The following COMMD1 variants were observed in gnomAD, a reference collection of about 807,000 sequenced individuals.
COMMD1 encodes the protein copper metabolism domain containing 1, also known as COMM domain-containing protein 1.
Under a neutral mutation model 17.2 loss-of-function variants are expected in COMMD1, and 10 were observed. The ratio of observed to expected loss-of-function variants is 0.58; its 90% CI spans 0.36 to 0.99. COMMD1 has a LOEUF of 0.99. COMMD1 is among the 50% of genes least tolerant of loss of function. The pLI, the probability that COMMD1 is intolerant of heterozygous loss-of-function variation, is 0.01. For missense variants in COMMD1, 270 were observed against 231.8 expected (o/e 1.17, Z -1.07); for synonymous variants, 97 against 91.6 (o/e 1.06, Z -0.34).
intron 1 of COMMD1, among the ~76,000 whole-genome samples, chr2:61,937,291 C>A (rs1218670691): frequency 6.6e-6 from 1 of 152,126 alleles, no homozygotes; most frequent in East Asian, 1.9e-4. Flanking sequence ...TTTAGAGTGC[C>A]CCGGCCAATG....
intron 2 of COMMD1, among the ~76,000 whole-genome samples, chr2:62,006,322 T>G (rs764924101): frequency 2.0e-5 from 3 of 151,398 alleles, no homozygotes; most frequent in Non-Finnish European, 4.4e-5. Context: ...ATTGTGCACA[T>G]GTACCCTAAA....
At chr2:62,050,449 A>G (rs1026303298) in intron 2 of COMMD1, among the ~76,000 whole-genome samples, 10 of 152,212 alleles carry the variant, frequency 6.6e-5, no homozygotes, top group African/African-American at 2.4e-4. Flanking sequence ...CCAATTAAAA[A>G]TGTTCTTAAA....
In COMMD1 at chr2:61,941,861, A is replaced by G. The variant is rs141197764; in HGVS notation, c.180+36003A>G. On this transcript the variant is annotated intron_variant, in intron 1 of 2. Transcript: ENST00000311832. ...ATCTGATGATACCAATCTATGAAACAGAACAGTTCCTTTACATTATATCCT... is the reference window on the plus strand; with the variant it reads ...ATCTGATGATACCAATCTATGAAACGGAACAGTTCCTTTACATTATATCCT... Among the ~76,000 whole-genome samples, 110 of 152,354 alleles carry G rather than the reference A, an allele frequency of 7.2e-4. 2 individuals carry two copies. Among genetic ancestry groups the G allele is most frequent in the African/African-American group, 2.5e-3 (102 of 41,590 alleles).
chr2:62,055,959 G>T (rs1478382410), intron 2 of COMMD1, among the ~76,000 whole-genome samples: 2 of 152,226 alleles, frequency 1.3e-5, no homozygotes, highest in Non-Finnish European at 2.9e-5. Flanking sequence ...TCAGGAGGAT[G>T]TGCATGAGGA....
chr2:61,980,645 A>G (rs961493167), intron 1 of COMMD1, among the ~76,000 whole-genome samples: 6 of 144,180 alleles, frequency 4.2e-5, no homozygotes, highest in Non-Finnish European at 9.0e-5. Context: ...GATTCTGGAT[A>G]TTAGCCCTTT....
chr2:61,964,493 C>T (rs918902533), intron 1 of COMMD1, among the ~76,000 whole-genome samples: 1 of 152,004 alleles, frequency 6.6e-6, no homozygotes. Context: ...GGATTATAGG[C>T]GTGAGGCACT....
chr2:62,134,274 A>G (rs1224242325), intron 2 of COMMD1, among the ~76,000 whole-genome samples: 5 of 152,240 alleles, frequency 3.3e-5, no homozygotes, highest in Admixed American at 6.5e-5. Flanking sequence ...AGGAAAATAC[A>G]GAGAAAAGAA....
rs1010288127 is a variant in COMMD1 at position 61,920,877 on chromosome 2, TTATA to T, written c.180+15030_180+15033del. Among the ~76,000 whole-genome samples the T allele has an allele frequency of 2.4e-3, 359 of 149,740 alleles. 1 individual carries two copies. The highest frequency in any genetic ancestry group is 8.3e-3 in the African/African-American group (340 of 40,942). ...GAGAAAATCCTGGAGGTATATATGT[TTATA>T]TATATATATAAATGTGTGTGTGTGT... On this transcript the variant is annotated intron_variant, in intron 1 of 2. Transcript: ENST00000311832.
intron 2 of COMMD1, among the ~76,000 whole-genome samples, chr2:62,057,014 A>T (rs1417864110): frequency 6.6e-6 from 1 of 152,122 alleles, no homozygotes; most frequent in South Asian, 2.1e-4. Context: ...CCAAAACAAG[A>T]TTGTTACAGA....
At chr2:61,938,303 G>A (rs1421534833) in intron 1 of COMMD1, among the ~76,000 whole-genome samples, 1 of 151,754 alleles carries the variant, frequency 6.6e-6, no homozygotes, top group Admixed American at 6.6e-5. Flanking sequence ...AAATGGTGAG[G>A]TATGATCTTC....
intron 1 of COMMD1, among the ~76,000 whole-genome samples, chr2:61,938,787 G>A (rs1670664634): frequency 6.6e-6 from 1 of 152,098 alleles, no homozygotes; most frequent in South Asian, 2.1e-4. Flanking sequence ...CTGGTTTTAA[G>A]AATACCATAA....
At chr2:62,093,430 ATAAAC>A (rs1258991059) in intron 2 of COMMD1, among the ~76,000 whole-genome samples, 2 of 152,220 alleles carry the variant, frequency 1.3e-5, no homozygotes, top group African/African-American at 2.4e-5. Context: ...CATTTTGTGA[ATAAAC>A]TGAAGGAAAG....
intron 2 of COMMD1, among the ~76,000 whole-genome samples, chr2:62,111,484 C>T (rs966642898): frequency 2.6e-5 from 4 of 152,104 alleles, no homozygotes; most frequent in Non-Finnish European, 5.9e-5. Flanking sequence ...CAAGGCCTTT[C>T]GGTTCAGATT....
upstream of COMMD1, among the ~76,000 whole-genome samples, chr2:61,904,956 CTTCTT>C (rs1476686008): frequency 2.6e-5 from 4 of 152,222 alleles, no homozygotes; most frequent in African/African-American, 9.6e-5. Flanking sequence ...TTATATCTGG[CTTCTT>C]TTACTAATCC....
At chr2:62,057,002 A>G (rs576346152) in intron 2 of COMMD1, among the ~76,000 whole-genome samples, 2 of 152,174 alleles carry the variant, frequency 1.3e-5, no homozygotes, top group Non-Finnish European at 2.9e-5. Context: ...CAGTGACAGC[A>G]ACCAAAACAA....
chr2:61,948,293 T>A (rs1670962286), intron 1 of COMMD1, among the ~76,000 whole-genome samples: 2 of 152,142 alleles, frequency 1.3e-5, no homozygotes, highest in African/African-American at 4.8e-5. Context: ...AATATTAAAC[T>A]ATTTTTTTCT....
intron 2 of COMMD1, among the ~76,000 whole-genome samples, chr2:62,087,404 A>T (rs906330978): frequency 5.9e-5 from 9 of 152,174 alleles, no homozygotes; most frequent in African/African-American, 2.2e-4. Context: ...ACAGGACACA[A>T]TGTTATTTTC....
At chr2:62,057,580 T>C (rs538863367) in intron 2 of COMMD1, among the ~76,000 whole-genome samples, 1 of 152,212 alleles carries the variant, frequency 6.6e-6, no homozygotes, top group South Asian at 2.1e-4. Flanking sequence ...AAATATTTTA[T>C]TTATTTTTAT....
chr2:62,098,162 CTT>C lies in COMMD1; in HGVS notation c.463-37652_463-37651del, dbSNP rs1212972398. Among the ~76,000 whole-genome samples, 82 of 125,814 alleles carry C rather than the reference CTT, an allele frequency of 6.5e-4. 1 individual carries two copies. Among genetic ancestry groups the C allele is most frequent in the African/African-American group, 1.9e-3 (62 of 33,164 alleles). 82.5% of individuals were successfully genotyped at this position (125,814 alleles called of 152,430 possible). On this transcript the variant is annotated intron_variant, in intron 2 of 2. Coordinates refer to ENST00000311832, the MANE Select transcript of COMMD1 (RefSeq NM_152516.4). ...AGAGACTGTTTCCTTTCCTTTCTTT[CTT>C]TTTTTTTTTTTTTTTTGAGACAGAG... is the stretch of plus-strand genomic sequence containing the variant.
Sources: gnomAD v4.1 joint callset for allele counts (sites outside exome capture counted in the v4.1 genomes callset) on GRCh38, gnomAD v4.1.1 for gene constraint, MANE v1.5 for transcripts, NCBI Gene and HGNC (gene_info 2026-07-23, HGNC 2026-07-21) for gene names.